The following CFAP46 variants were observed in gnomAD, a reference collection of about 807,000 sequenced individuals.
CFAP46 encodes the protein cilia- and flagella-associated protein 46.
A neutral mutation model predicts 325.7 loss-of-function variants in CFAP46; 245 were observed. That is an observed-to-expected ratio of 0.75 (90% CI 0.68 to 0.84). CFAP46 has a LOEUF of 0.84. Among genes scored for constraint, CFAP46 ranks in the 40% least tolerant of loss-of-function variants. CFAP46 has a pLI of 0.00. For synonymous variants in CFAP46, 1,523 were observed against 1,495.9 expected (o/e 1.02, Z -0.42); for missense variants, 3,346 against 3,543.0 (o/e 0.94, Z 1.41).
At chr10:132,892,458 G>A (rs892555523) in intron 24 of CFAP46, 41 bp from the exon 25 acceptor site, 10 of 1,528,960 alleles carry the variant, frequency 6.5e-6, no homozygotes, top group Non-Finnish European at 8.9e-6. Flanking sequence ...TTTGAAAGTT[G>A]CAAGACAGTC....
At chr10:132,813,469 GTGCCA>G (rs1452093387) in intron 54 of CFAP46, among the ~76,000 whole-genome samples, 4 of 128,544 alleles carry the variant, frequency 3.1e-5, no homozygotes, top group Non-Finnish European at 6.5e-5. Context: ...TGCCCCTGCA[GTGCCA>G]CCCTCTGCAC....
chr10:132,920,284 C>T (rs941162321), intron 13 of CFAP46, 102 bp from the exon 14 acceptor site: 3 of 1,375,262 alleles, frequency 2.2e-6, no homozygotes, highest in Admixed American at 3.2e-5. Context: ...GGGTGGCCAC[C>T]CACAGGTAGC....
At chr10:132,897,145 C>A (rs1849330686) in intron 24 of CFAP46, among the ~76,000 whole-genome samples, 1 of 152,152 alleles carries the variant, frequency 6.6e-6, no homozygotes, top group Non-Finnish European at 1.5e-5. Context: ...AGAGCTAAAG[C>A]TACAAAATTC....
intron 50 of CFAP46, 146 bp downstream of exon 50, chr10:132,833,212 T>C (rs1376835498): frequency 9.6e-6 from 8 of 832,880 alleles, no homozygotes; most frequent in Middle Eastern, 3.6e-4. Flanking sequence ...ATCCTACAAA[T>C]ATCTTTGAAT....
chr10:132,940,670 C>T (rs533349571), intron 4 of CFAP46, among the ~76,000 whole-genome samples: 49 of 152,232 alleles, frequency 3.2e-4, no homozygotes, highest in African/African-American at 1.0e-3. Flanking sequence ...CTCCGCCTCC[C>T]GAGTTCAAGT....
At chr10:132,870,711 G>A (rs922346588) in intron 32 of CFAP46, among the ~76,000 whole-genome samples, 2 of 152,202 alleles carry the variant, frequency 1.3e-5, no homozygotes, top group Non-Finnish European at 2.9e-5. Flanking sequence ...AGTTTGAAGC[G>A]GCAGAGGTGG....
chr10:132,851,159 C>T lies in CFAP46; in HGVS notation c.5721G>A (p.Ala1907=), dbSNP rs140935676. The change falls in exon 40 of 58, where the codon GCG becomes GCA. Residue 1907 remains alanine, a synonymous_variant. Transcript: ENST00000368586. ...AGTCACTGGTGTTCTGCAGATAGTC[C>T]GCCAGCAGCTTCTCCAGGGACCCCT... ...SEQGSLEKLL[A]DYLQNTSDYT... 41 of 1,613,978 alleles carry T rather than the reference C, an allele frequency of 2.5e-5. No homozygotes were observed. The highest frequency in any genetic ancestry group is 1.6e-4 in the Middle Eastern group (1 of 6,082).
chr10:132,903,483 G>A (rs1462625049), intron 22 of CFAP46, among the ~76,000 whole-genome samples: 1 of 152,106 alleles, frequency 6.6e-6, no homozygotes, highest in East Asian at 1.9e-4. Flanking sequence ...TTCTCCCCGC[G>A]ACTCTTCCAT....
At chr10:132,873,261 C>G (rs1015291191) in intron 31 of CFAP46, among the ~76,000 whole-genome samples, 3 of 152,358 alleles carry the variant, frequency 2.0e-5, no homozygotes, top group Admixed American at 6.5e-5. Flanking sequence ...AAAACCATTA[C>G]TCTTGAGTGG....
At chr10:132,935,290 T>C (rs1849975433) in intron 7 of CFAP46, among the ~76,000 whole-genome samples, 1 of 140,900 alleles carries the variant, frequency 7.1e-6, no homozygotes, top group Admixed American at 6.9e-5. Context: ...CTCACTCCCC[T>C]GAGCACCCAA....
Position 132,922,515 on chromosome 10 carries a change from G to C in CFAP46, c.1450C>G (p.Arg484Gly). 6 of 1,545,556 alleles carry C rather than the reference G, an allele frequency of 3.9e-6. No individual in the cohort carries two copies. Among genetic ancestry groups the C allele is most frequent in the Non-Finnish European group, 5.2e-6 (6 of 1,145,568 alleles). Residue 484 changes from arginine (R) to glycine (G), a missense_variant, in exon 12 of 58, where the codon CGC becomes GGC. By Grantham distance (125) the Arg-to-Gly change is moderately radical. Coordinates refer to ENST00000368586, the MANE Select transcript of CFAP46 (RefSeq NM_001200049.3). Reference sequence around the variant, plus strand: ...GCCATGATGGCCTTGTCCTCTGCGCGCTCAGGGGCCTGGTATAGCGTGGTG... The same window carrying C: ...GCCATGATGGCCTTGTCCTCTGCGCCCTCAGGGGCCTGGTATAGCGTGGTG... ...LCTTLYQAPE[R>G]AEDKAIMAVE...
At chr10:132,880,733 C>T in intron 28 of CFAP46, 128 bp downstream of exon 28, 1 of 1,134,564 alleles carries the variant, frequency 8.8e-7, no homozygotes, top group East Asian at 2.7e-5. Flanking sequence ...TGAGACACGT[C>T]AGGGGCTCCT....
intron 41 of CFAP46, 116 bp downstream of exon 41, chr10:132,850,126 TTC>T: frequency 9.6e-7 from 1 of 1,041,918 alleles, no homozygotes; most frequent in Non-Finnish European, 1.4e-6. Flanking sequence ...TCCTACATTT[TTC>T]TCTCTTCCTG....
rs1029606406 is a variant in CFAP46 at position 132,827,557 on chromosome 10, C to G, written c.7117+5801G>C. On this transcript the variant is annotated intron_variant, in intron 50 of 57. Transcript: ENST00000368586. This position sits in a 1 kb window ranked among gnomAD's most constrained non-coding sequence, Gnocchi z 5.7. ...GAGGCCTTGGGGTCACAGGAAGGCTCGGAGTGCCAGAGTACAGAGTCCAAT... is the reference window on the plus strand; with the variant it reads ...GAGGCCTTGGGGTCACAGGAAGGCTGGGAGTGCCAGAGTACAGAGTCCAAT... Among the ~76,000 whole-genome samples the G allele has an allele frequency of 6.6e-6, 1 of 152,002 alleles. No individual in the cohort carries two copies. The highest frequency in any genetic ancestry group is 1.5e-5 in the Non-Finnish European group (1 of 68,020).
At chr10:132,856,628 G>GT (rs1554879018) in intron 39 of CFAP46, among the ~76,000 whole-genome samples, 4 of 152,060 alleles carry the variant, frequency 2.6e-5, no homozygotes, top group African/African-American at 9.7e-5. Flanking sequence ...CTGTGTTGTG[G>GT]TTTTCACCCT....
At chr10:132,856,548 G>A (rs1257580899) in intron 39 of CFAP46, among the ~76,000 whole-genome samples, 1 of 152,008 alleles carries the variant, frequency 6.6e-6, no homozygotes, top group Admixed American at 6.6e-5. Context: ...CTGTTGCTAT[G>A]TCTCTAAGTT....
At chr10:132,928,368 C>A (rs1345464220) in intron 9 of CFAP46, among the ~76,000 whole-genome samples, 1 of 152,222 alleles carries the variant, frequency 6.6e-6, no homozygotes, top group Non-Finnish European at 1.5e-5. Flanking sequence ...GGGCATCAAA[C>A]ACAGGAGCCT....
intron 22 of CFAP46, among the ~76,000 whole-genome samples, chr10:132,906,276 C>G (rs1310621761): frequency 6.6e-6 from 1 of 152,246 alleles, no homozygotes; most frequent in Non-Finnish European, 1.5e-5. Flanking sequence ...CCTGAGCACT[C>G]GCAGTCTCAC....
chr10:132,898,784 C>T (rs866101982), intron 24 of CFAP46, 175 bp downstream of exon 24: 30 of 836,784 alleles, frequency 3.6e-5, no homozygotes, highest in Non-Finnish European at 5.1e-5. Context: ...CAGGGGCCCC[C>T]GCAGTGCTGG....
Sources: allele counts gnomAD v4.1 joint callset (sites outside exome capture counted in the v4.1 genomes callset), GRCh38; gene constraint gnomAD v4.1.1; non-coding constraint Gnocchi (gnomAD v3.1); transcripts MANE v1.5; gene names NCBI Gene and HGNC (gene_info 2026-07-23, HGNC 2026-07-21).